Variants in EDIL3 observed in about 807,000 individuals in gnomAD.
EDIL3 encodes EGF-like repeat and discoidin I-like domain-containing protein 3.
In EDIL3, 37 loss-of-function variants were observed where a neutral mutation model predicts 67.4. The observed-to-expected ratio is 0.55, with a 90% confidence interval of 0.42 to 0.72. EDIL3 has a LOEUF of 0.72. Among genes scored for constraint, EDIL3 ranks in the 30% least tolerant of loss-of-function variants. The probability of loss-of-function intolerance (pLI) is 0.00; values close to 1 mark genes in which losing one functional copy is unlikely to be tolerated. For missense variants in EDIL3, 527 were observed against 586.3 expected (o/e 0.90, Z 1.04); for synonymous variants, 195 against 196.3 (o/e 0.99, Z 0.05).
At chr5:84,023,831 G>A (rs1745765385) in intron 9 of EDIL3, among the ~76,000 whole-genome samples, 1 of 151,914 alleles carries the variant, frequency 6.6e-6, no homozygotes, top group South Asian at 2.1e-4. Flanking sequence ...CATTATTAAT[G>A]AAAAAACCCA....
At chr5:84,013,995 G>C (rs1293162716) in intron 9 of EDIL3, among the ~76,000 whole-genome samples, 2 of 152,088 alleles carry the variant, frequency 1.3e-5, no homozygotes, top group Non-Finnish European at 2.9e-5. Flanking sequence ...TTGGTCATCA[G>C]CTACTTATAT....
intron 2 of EDIL3, among the ~76,000 whole-genome samples, chr5:84,236,804 T>C (rs1242661305): frequency 6.6e-6 from 1 of 151,760 alleles, no homozygotes; most frequent in African/African-American, 2.4e-5. Flanking sequence ...TTTAGCTTTG[T>C]AAAATGAGGA....
chr5:84,212,765 G>A (rs920085456), intron 3 of EDIL3, among the ~76,000 whole-genome samples: 8 of 152,212 alleles, frequency 5.3e-5, no homozygotes, highest in South Asian at 4.1e-4. Flanking sequence ...AGAGAAGACC[G>A]CCCTGCCTCC....
At chr5:84,005,377 GA>G (rs908937318) in intron 9 of EDIL3, among the ~76,000 whole-genome samples, 2 of 152,000 alleles carry the variant, frequency 1.3e-5, no homozygotes, top group Non-Finnish European at 2.9e-5. Context: ...AACAAAAAAA[GA>G]AAACTTCAGG....
At chr5:84,152,820 C>T (rs1748421029) in intron 4 of EDIL3, among the ~76,000 whole-genome samples, 1 of 151,940 alleles carries the variant, frequency 6.6e-6, no homozygotes, top group East Asian at 1.9e-4. Flanking sequence ...TGAGGTACTG[C>T]AATATTTTAA....
At chr5:83,951,438 T>G (rs951592548) in intron 10 of EDIL3, among the ~76,000 whole-genome samples, 1 of 151,834 alleles carries the variant, frequency 6.6e-6, no homozygotes, top group African/African-American at 2.4e-5. Flanking sequence ...CACCACAAAT[T>G]TGATGTTCAC....
At chr5:84,351,574 C>T (rs916764322) in intron 1 of EDIL3, among the ~76,000 whole-genome samples, 5 of 152,100 alleles carry the variant, frequency 3.3e-5, no homozygotes, top group Non-Finnish European at 4.4e-5. Context: ...TGATACTAAC[C>T]TATTAAAGGT....
intron 9 of EDIL3, among the ~76,000 whole-genome samples, chr5:84,013,212 T>A (rs1745545909): frequency 6.6e-6 from 1 of 151,958 alleles, no homozygotes; most frequent in Non-Finnish European, 1.5e-5. Flanking sequence ...ATATAACGTA[T>A]CCTGTACATA....
At chr5:84,284,939 G>C (rs115506330) in intron 1 of EDIL3, among the ~76,000 whole-genome samples, 2,054 of 152,228 alleles carry the variant, frequency 0.013, 55 homozygotes, top group African/African-American at 0.047. Context: ...ATCATTTTCA[G>C]TGACATTCTG....
chr5:84,231,777 A>T (rs992166218), intron 2 of EDIL3, among the ~76,000 whole-genome samples: 1 of 152,010 alleles, frequency 6.6e-6, no homozygotes, highest in African/African-American at 2.4e-5. Context: ...TTCAAAGAGG[A>T]AAAAAAATGG....
chr5:83,964,942 T>A (rs902028590), intron 9 of EDIL3, among the ~76,000 whole-genome samples: 1 of 151,974 alleles, frequency 6.6e-6, no homozygotes, highest in African/African-American at 2.4e-5. Context: ...TTCTTCTGGG[T>A]CCTCATTTAA....
intron 9 of EDIL3, among the ~76,000 whole-genome samples, chr5:84,046,666 T>C (rs1746229449): frequency 1.3e-5 from 2 of 152,198 alleles, no homozygotes; most frequent in Admixed American, 6.5e-5. Context: ...AAGTTCTAAA[T>C]TTTACTCATT....
At chr5:84,273,860 A>G (rs995696025) in intron 1 of EDIL3, among the ~76,000 whole-genome samples, 2 of 152,198 alleles carry the variant, frequency 1.3e-5, no homozygotes, top group Non-Finnish European at 2.9e-5. Flanking sequence ...TAATATGAGA[A>G]GGAGTTAGGC....
At chr5:84,137,504 T>A in intron 4 of EDIL3, 150 bp from the exon 5 acceptor site, 1 of 613,772 alleles carries the variant, frequency 1.6e-6, no homozygotes, top group Admixed American at 3.4e-5. Context: ...GTAATACAAA[T>A]GCTGCTTAAA....
intron 6 of EDIL3, among the ~76,000 whole-genome samples, chr5:84,087,335 G>A (rs576988696): frequency 6.6e-6 from 1 of 152,254 alleles, no homozygotes; most frequent in Admixed American, 6.5e-5. Context: ...GAGTGGCCCA[G>A]TAACTTTGTT....
In EDIL3 at chr5:84,288,737, T is replaced by C. The variant is rs533865286; in HGVS notation, c.68-34525A>G. 3.3e-5 allele frequency among the ~76,000 whole-genome samples: 5 copies of C among 152,254 alleles called. No individual in the cohort carries two copies. The East Asian group carries it at 9.7e-4, about 29-fold the overall frequency. The stretch of plus-strand genomic sequence containing the variant: ...TTTCCCCTGACTACTCAACTTAAAA[T>C]TGCAGGTCTTCCTGACCCCAAATCC... On this transcript the variant is annotated intron_variant, in intron 1 of 10. Coordinates refer to ENST00000296591, the MANE Select transcript of EDIL3 (RefSeq NM_005711.5).
chr5:84,081,554 A>G (rs1746968097), intron 6 of EDIL3, among the ~76,000 whole-genome samples: 1 of 152,150 alleles, frequency 6.6e-6, no homozygotes, highest in African/African-American at 2.4e-5. Flanking sequence ...AAAAAGAAAA[A>G]AAAAAGTCTT....
rs561860715 is a variant in EDIL3, at chr5:83,942,874, TATA to T, written c.*542_*544del. The T allele has an allele frequency of 1.6e-4, 25 of 152,808 alleles. 1 individual carries two copies. Among genetic ancestry groups the T allele is most frequent in the African/African-American group, 3.8e-4 (16 of 41,580 alleles). 9.5% of individuals were successfully genotyped at this position (152,808 alleles called of 1,614,324 possible). Reference sequence around the variant, plus strand: ...GAAATAATGAAAGTAAAATGAGAATTATAATATCAGTACTGCATGTTACATATT... The same window carrying T: ...GAAATAATGAAAGTAAAATGAGAATTATATCAGTACTGCATGTTACATATT... On this transcript the variant is annotated 3_prime_UTR_variant, in exon 11 of 11. Transcript: ENST00000296591.
At chr5:84,055,098 T>A (rs1284081423) in intron 9 of EDIL3, among the ~76,000 whole-genome samples, 1 of 146,058 alleles carries the variant, frequency 6.8e-6, no homozygotes, top group African/African-American at 2.7e-5. Flanking sequence ...ATGGTACTGG[T>A]ACCAAAACAG....
Sources: gnomAD v4.1 joint callset for allele counts (sites outside exome capture counted in the v4.1 genomes callset) on GRCh38, gnomAD v4.1.1 for gene constraint, MANE v1.5 for transcripts, NCBI Gene and HGNC (gene_info 2026-07-23, HGNC 2026-07-21) for gene names.